The following NPAS3 variants were observed in gnomAD, a reference collection of about 807,000 sequenced individuals.
The protein encoded by NPAS3 is neuronal PAS domain protein 3.
Under a neutral mutation model 73.1 loss-of-function variants are expected in NPAS3, and 14 were observed. That is an observed-to-expected ratio of 0.19 (90% CI 0.13 to 0.30). NPAS3 has a LOEUF of 0.30. Among genes scored for constraint, NPAS3 ranks in the 10% least tolerant of loss-of-function variants. The pLI, the probability that NPAS3 is intolerant of heterozygous loss-of-function variation, is 1.00. For missense variants in NPAS3, 1,096 were observed against 1,250.0 expected, an observed-to-expected ratio of 0.88 and a Z score of 1.86; for synonymous variants, 620 against 541.5, an observed-to-expected ratio of 1.14 and a Z score of -2.01.
intron 3 of NPAS3, among the ~76,000 whole-genome samples, chr14:33,235,486 C>G (rs772775419): frequency 1.2e-4 from 18 of 151,924 alleles, no homozygotes; most frequent in Non-Finnish European, 2.4e-4. Context: ...TTATTCCTTC[C>G]TTGACGAATC....
At chr14:33,529,342 T>C (rs1376384570) in intron 4 of NPAS3, among the ~76,000 whole-genome samples, 1 of 152,170 alleles carries the variant, frequency 6.6e-6, no homozygotes, top group African/African-American at 2.4e-5. Context: ...CTATATTTAT[T>C]GAGAGCATGC....
At chr14:33,276,226 A>G (rs766166579) in intron 3 of NPAS3, among the ~76,000 whole-genome samples, 3 of 152,152 alleles carry the variant, frequency 2.0e-5, no homozygotes, top group Non-Finnish European at 4.4e-5. Flanking sequence ...GTGACTTGCA[A>G]AAAGTGTTAA....
At chr14:32,935,866 T>C (rs1040693238), upstream of NPAS3, among the ~76,000 whole-genome samples, 2 of 152,188 alleles carry the variant, frequency 1.3e-5, no homozygotes, top group Non-Finnish European at 2.9e-5. Context: ...GAAAATGCGC[T>C]GAGAAAAACT....
chr14:32,946,348 G>GCGCACACACA (rs1233572564), intron 1 of NPAS3, among the ~76,000 whole-genome samples: 15 of 139,314 alleles, frequency 1.1e-4, no homozygotes, highest in South Asian at 2.4e-4. Flanking sequence ...ACACACACGC[G>GCGCACACACA]CACACACACA....
intron 2 of NPAS3, among the ~76,000 whole-genome samples, chr14:33,156,829 A>G (rs971548253): frequency 2.0e-5 from 3 of 152,206 alleles, no homozygotes; most frequent in African/African-American, 7.2e-5. Context: ...TAGGTGAAAT[A>G]TAATTATCGT....
intron 2 of NPAS3, among the ~76,000 whole-genome samples, chr14:33,071,328 G>T (rs2138650267): frequency 6.6e-6 from 1 of 152,256 alleles, no homozygotes; most frequent in Non-Finnish European, 1.5e-5. Context: ...TCATAAAAAG[G>T]CACAGATAAA....
chr14:33,100,180 C>T (rs558823974), intron 2 of NPAS3, among the ~76,000 whole-genome samples: 8 of 147,490 alleles, frequency 5.4e-5, no homozygotes, highest in Non-Finnish European at 1.2e-4. Flanking sequence ...TATAAGCAAC[C>T]TCTATCTAGA....
rs377505067 is a variant in NPAS3 at position 33,730,725 on chromosome 14, T to C, written c.734-4489T>C. ...AACCAACTTGTCAAATCCCAGTGGATACATACTCATTCTAAAGTCCTAAAC... is the reference window on the plus strand; with the variant it reads ...AACCAACTTGTCAAATCCCAGTGGACACATACTCATTCTAAAGTCCTAAAC... On this transcript the variant is annotated intron_variant, in intron 6 of 11. Coordinates refer to ENST00000356141, the Ensembl canonical transcript of NPAS3. Among the ~76,000 whole-genome samples, 21 of 152,344 alleles carry C rather than the reference T, an allele frequency of 1.4e-4. No individual in the cohort carries two copies. The South Asian group carries it at 4.3e-3, about 32-fold the overall frequency.
rs561916058 is a variant in NPAS3, at chr14:33,524,833, C to T, written c.469-35288C>T. On this transcript the variant is annotated intron_variant, in intron 4 of 11. Coordinates refer to ENST00000356141, the Ensembl canonical transcript of NPAS3. ...ACCATCGCTTGTAGATACATCATTC[C>T]GATCTCTGCCTCCATCTTCATGTGT... Among the ~76,000 whole-genome samples the T allele has an allele frequency of 2.6e-5, 4 of 152,212 alleles. No individual in the cohort carries two copies. In the South Asian group the frequency reaches 6.2e-4, roughly 24 times the overall value.
At position 33,066,243 on chromosome 14, in the gene NPAS3, G is replaced by C. The variant is rs374963889; in HGVS notation, c.140+10249G>C. 5.3e-5 allele frequency among the ~76,000 whole-genome samples: 8 copies of C among 152,250 alleles called. 1 individual carries two copies. The East Asian group carries it at 1.4e-3, about 26-fold the overall frequency. Reference sequence around the variant, plus strand: ...ATCAGTGAAAACAATGGTATTCATGGCACCACCCTTTTAAAAGGAGAGGTT... The same window carrying C: ...ATCAGTGAAAACAATGGTATTCATGCCACCACCCTTTTAAAAGGAGAGGTT... On this transcript the variant is annotated intron_variant, in intron 2 of 11. Transcript: ENST00000356141.
intron 4 of NPAS3, among the ~76,000 whole-genome samples, chr14:33,393,713 C>CT (rs1566862379): frequency 1.3e-5 from 2 of 152,232 alleles, no homozygotes; most frequent in East Asian, 3.9e-4. Context: ...GACCCCGCGG[C>CT]TGTTGGCTCA....
intron 2 of NPAS3, among the ~76,000 whole-genome samples, chr14:33,090,589 C>A (rs8013062): frequency 0.34 from 51,252 of 151,860 alleles, 8,915 homozygotes; most frequent in African/African-American, 0.44. Flanking sequence ...GACAGATCAA[C>A]GAGACAGAAA....
At chr14:33,132,877 T>G (rs569252016) in intron 2 of NPAS3, among the ~76,000 whole-genome samples, 94 of 152,238 alleles carry the variant, frequency 6.2e-4, no homozygotes, top group Non-Finnish European at 1.2e-3. Flanking sequence ...TACTTCTTGG[T>G]TTTCCTGTTT....
chr14:33,605,056 TAGA>T (rs2057513503), intron 5 of NPAS3, among the ~76,000 whole-genome samples: 1 of 150,982 alleles, frequency 6.6e-6, no homozygotes, highest in Non-Finnish European at 1.5e-5. Context: ...CTAAAATGAG[TAGA>T]GGAATAGAAA....
At chr14:33,740,845 A>G (rs1273768213) in intron 7 of NPAS3, among the ~76,000 whole-genome samples, 4 of 152,130 alleles carry the variant, frequency 2.6e-5, no homozygotes, top group Non-Finnish European at 4.4e-5. Flanking sequence ...TTTTCTGAAT[A>G]TAAACATTTC....
intron 2 of NPAS3, among the ~76,000 whole-genome samples, chr14:33,091,610 A>T (rs2042226720): frequency 6.6e-6 from 1 of 152,196 alleles, no homozygotes; most frequent in African/African-American, 2.4e-5. Flanking sequence ...AATCAATAGA[A>T]AAAGAGGGAA....
intron 6 of NPAS3, among the ~76,000 whole-genome samples, chr14:33,687,941 G>A (rs1237815151): frequency 2.0e-5 from 3 of 152,256 alleles, no homozygotes; most frequent in East Asian, 3.9e-4. Context: ...TTTTATACAC[G>A]CTAGGTAAAT....
At chr14:33,665,231 T>C (rs1005543121) in intron 5 of NPAS3, among the ~76,000 whole-genome samples, 1 of 151,858 alleles carries the variant, frequency 6.6e-6, no homozygotes, top group African/African-American at 2.4e-5. Context: ...CACTCATAAG[T>C]GGGAATTGAA....
chr14:33,671,352 G>C (rs1322434892), intron 5 of NPAS3, among the ~76,000 whole-genome samples: 1 of 152,168 alleles, frequency 6.6e-6, no homozygotes, highest in Non-Finnish European at 1.5e-5. Context: ...GGAAAAGTCA[G>C]CTCAAACCAC....
Sources: allele counts gnomAD v4.1 joint callset (sites outside exome capture counted in the v4.1 genomes callset), GRCh38; gene constraint gnomAD v4.1.1; transcripts MANE v1.5; gene names NCBI Gene and HGNC (gene_info 2026-07-23, HGNC 2026-07-21).